PCDHA4: variants seen among roughly 807,000 people sequenced by gnomAD.
The protein encoded by PCDHA4 is protocadherin alpha 4.
PCDHA4 carries 49 observed loss-of-function variants against 61.4 expected under a neutral mutation model. The ratio of observed to expected loss-of-function variants is 0.80; its 90% CI spans 0.63 to 1.01. PCDHA4 has a LOEUF of 1.01. Ranked by LOEUF, PCDHA4 falls within the 50% of genes least tolerant of loss-of-function variation. The probability of loss-of-function intolerance (pLI) is 0.00; values close to 1 mark genes in which losing one functional copy is unlikely to be tolerated. For missense variants in PCDHA4, 1,254 were observed against 1,235.8 expected, an observed-to-expected ratio of 1.01 and a Z score of -0.22; for synonymous variants, 590 against 550.3, an observed-to-expected ratio of 1.07 and a Z score of -1.01.
At chr5:141,002,342 C>A (rs1047277199) in intron 3 of PCDHA4, among the ~76,000 whole-genome samples, 3 of 152,070 alleles carry the variant, frequency 2.0e-5, no homozygotes, top group African/African-American at 4.8e-5. Flanking sequence ...CGCACCCCTT[C>A]CCCCACCTCC....
chr5:140,849,832 C>G lies in PCDHA4; in HGVS notation c.2385+40260C>G. The G allele has an allele frequency of 6.3e-7, 1 of 1,598,398 alleles. No individual in the cohort carries two copies. The highest frequency in any genetic ancestry group is 1.1e-5 in the South Asian group (1 of 90,532). On this transcript the variant is annotated intron_variant, in intron 1 of 3. Coordinates refer to ENST00000530339, the MANE Select transcript of PCDHA4 (RefSeq NM_018907.4). ...ACGGCCAGGGTGTCTGTGGAGGTGGCCGACGTGAACGACAACGCACCAGCG... is the reference window on the plus strand; with the variant it reads ...ACGGCCAGGGTGTCTGTGGAGGTGGGCGACGTGAACGACAACGCACCAGCG...
Position 140,824,014 on chromosome 5 carries a change from TG to T in PCDHA4, c.2385+14444del, listed in dbSNP as rs2150131529. On this transcript the variant is annotated intron_variant, in intron 1 of 3. Transcript: ENST00000530339. The stretch of plus-strand genomic sequence containing the variant: ...GTTGTGCTCCAGCGCGGTGGGGAGC[TG>T]GTCGTACTCGCAGCAGAGGAGACAG... The T allele has an allele frequency of 3.7e-6, 6 of 1,614,050 alleles. No homozygotes were observed. The South Asian group carries it at 5.5e-5, about 15-fold the overall frequency.
At chr5:140,980,835 T>A (rs2096907301) in intron 2 of PCDHA4, among the ~76,000 whole-genome samples, 1 of 152,220 alleles carries the variant, frequency 6.6e-6, no homozygotes, top group South Asian at 2.1e-4. Flanking sequence ...GTTGTGAACC[T>A]AAATAATACT....
chr5:140,915,205 C>G (rs1554196797), intron 1 of PCDHA4, among the ~76,000 whole-genome samples: 1 of 152,076 alleles, frequency 6.6e-6, no homozygotes, highest in Non-Finnish European at 1.5e-5. Flanking sequence ...TCTTGGCCTC[C>G]CAAAGTGCTG....
At chr5:140,830,118 C>T (rs2150181402) in intron 1 of PCDHA4, 27 of 1,613,530 alleles carry the variant, frequency 1.7e-5, no homozygotes, top group East Asian at 1.3e-4. Context: ...GGCCAGGCTC[C>T]AAAGGCGTCA....
rs141559668 is a variant in PCDHA4, at chr5:140,830,266, G to A, written c.2385+20694G>A. On this transcript the variant is annotated intron_variant, in intron 1 of 3. Transcript: ENST00000530339. ...TGTACACAGCGCTGCGGTGCTCGGC[G>A]CCACCCACCGAGGGCGCGTGCACGG... 1.1e-4 allele frequency: 170 copies of A among 1,613,648 alleles called. No homozygotes were observed. The Middle Eastern group carries it at 1.5e-3, about 14-fold the overall frequency.
At chr5:140,969,919 T>C (rs773906362) in intron 1 of PCDHA4, among the ~76,000 whole-genome samples, 1 of 152,198 alleles carries the variant, frequency 6.6e-6, no homozygotes, top group South Asian at 2.1e-4. Flanking sequence ...GATAAAGCTG[T>C]AGTATTTAGA....
chr5:140,824,239 G>A lies in PCDHA4; in HGVS notation c.2385+14667G>A, dbSNP rs2150133402. The A allele has an allele frequency of 4.7e-6, 7 of 1,502,088 alleles. No individual in the cohort carries two copies. The East Asian group carries it at 6.8e-5, about 14-fold the overall frequency. The allele number at this position is 1,502,088 out of a possible 1,614,324, so 93.0% of individuals were successfully genotyped here. On this transcript the variant is annotated intron_variant, in intron 1 of 3. Coordinates refer to ENST00000530339, the MANE Select transcript of PCDHA4 (RefSeq NM_018907.4). The stretch of plus-strand genomic sequence containing the variant: ...AATTATGTCTTAGTACACAAATATT[G>A]TGGTACACAATTATTGCACTAATTC...
chr5:140,974,456 A>G (rs957426015), intron 1 of PCDHA4, among the ~76,000 whole-genome samples: 2 of 152,230 alleles, frequency 1.3e-5, no homozygotes, highest in Non-Finnish European at 2.9e-5. Context: ...AAATGACTAC[A>G]TTCAGAGGAA....
intron 1 of PCDHA4, among the ~76,000 whole-genome samples, chr5:140,952,990 G>T (rs1218296143): frequency 6.6e-6 from 1 of 152,042 alleles, no homozygotes; most frequent in Non-Finnish European, 1.5e-5. Context: ...GATCTCATGA[G>T]AACTCTCTCA....
At chr5:140,968,886 A>G in intron 1 of PCDHA4, 1 of 1,614,186 alleles carries the variant, frequency 6.2e-7, no homozygotes, top group Non-Finnish European at 8.5e-7. Context: ...ATTACCCTTT[A>G]TCTAATAATA....
chr5:140,972,270 G>T (rs2096527606), intron 1 of PCDHA4, among the ~76,000 whole-genome samples: 2 of 151,190 alleles, frequency 1.3e-5, no homozygotes, highest in African/African-American at 4.9e-5. Context: ...CTCCTGAGTA[G>T]CTTGGACCAT....
At chr5:140,904,949 T>A (rs2071498656) in intron 1 of PCDHA4, among the ~76,000 whole-genome samples, 1 of 152,228 alleles carries the variant, frequency 6.6e-6, no homozygotes, top group South Asian at 2.1e-4. Flanking sequence ...TAGTCCTTTG[T>A]CTGATGCAGA....
intron 1 of PCDHA4, chr5:140,828,576 T>A (rs1769834472): frequency 1.2e-6 from 2 of 1,614,230 alleles, no homozygotes; most frequent in Non-Finnish European, 1.7e-6. Flanking sequence ...GATGCAGATG[T>A]TGGCTCAAAT....
intron 1 of PCDHA4, chr5:140,858,758 A>G (rs1474709962): frequency 4.4e-6 from 2 of 458,304 alleles, no homozygotes; most frequent in Non-Finnish European, 7.8e-6. Flanking sequence ...TTCGTTACAA[A>G]TATTTGTGAG....
chr5:140,825,482 GC>G (rs1768595274), intron 1 of PCDHA4: 1 of 149,484 alleles, frequency 6.7e-6, no homozygotes, highest in Non-Finnish European at 1.5e-5. Context: ...TGCTCTTGTT[GC>G]CCAAACGAGT....
intron 3 of PCDHA4, among the ~76,000 whole-genome samples, chr5:141,004,729 T>A (rs782339918): frequency 6.6e-6 from 1 of 152,144 alleles, no homozygotes; most frequent in African/African-American, 2.4e-5. Context: ...TTAAATACAT[T>A]TCTCTCTTTT....
At chr5:140,841,784 G>T in intron 1 of PCDHA4, 1 of 1,613,930 alleles carries the variant, frequency 6.2e-7, no homozygotes. Flanking sequence ...GTTTCCGCTA[G>T]AGGGCGCGTC....
intron 3 of PCDHA4, among the ~76,000 whole-genome samples, chr5:140,990,571 G>A (rs996259729): frequency 6.6e-6 from 1 of 152,102 alleles, no homozygotes; most frequent in Non-Finnish European, 1.5e-5. Flanking sequence ...ACACCTGTTC[G>A]ATCTCTTTTC....
Sources: gnomAD v4.1 joint callset for allele counts (sites outside exome capture counted in the v4.1 genomes callset) on GRCh38, gnomAD v4.1.1 for gene constraint, MANE v1.5 for transcripts, NCBI Gene and HGNC (gene_info 2026-07-23, HGNC 2026-07-21) for gene names.